Variants in RASGEF1A observed in about 807,000 individuals in gnomAD.
The protein encoded by RASGEF1A is ras-GEF domain-containing family member 1A.
Under a neutral mutation model 56.4 loss-of-function variants are expected in RASGEF1A, and 18 were observed. The ratio of observed to expected loss-of-function variants is 0.32; its 90% CI spans 0.22 to 0.47. The LOEUF is 0.47. Among genes scored for constraint, RASGEF1A ranks in the 20% least tolerant of loss-of-function variants. The pLI is 1.00. For missense variants in RASGEF1A, 422 were observed against 627.1 expected (o/e 0.67, Z 3.49); for synonymous variants, 245 against 242.6 (o/e 1.01, Z -0.09).
At chr10:43,199,850 A>G in intron 6 of RASGEF1A, 82 bp from the exon 7 acceptor site, 1 of 1,156,006 alleles carries the variant, frequency 8.7e-7, no homozygotes, top group Admixed American at 1.9e-5. Context: ...CCTGGTCCCC[A>G]GCTATGGCTC....
chr10:43,254,711 T>C (rs1490156711), intron 1 of RASGEF1A, among the ~76,000 whole-genome samples: 1 of 152,046 alleles, frequency 6.6e-6, no homozygotes, highest in Non-Finnish European at 1.5e-5. Context: ...CAGGCAAGGA[T>C]GGAAACCGCT....
rs183221018 is a variant in RASGEF1A, at chr10:43,232,687, G to A, written c.-6-26565C>T. 1.5e-3 allele frequency among the ~76,000 whole-genome samples: 225 copies of A among 152,086 alleles called. 1 individual carries two copies. Among genetic ancestry groups the A allele is most frequent in the African/African-American group, 5.3e-3 (220 of 41,506 alleles). On this transcript the variant is annotated intron_variant, in intron 1 of 12. Transcript: ENST00000395810. ...TTTTTAGTAGAGACAGGGTTTCACC[G>A]TGTTGGCCAGGCTGATCTCAAACTT...
chr10:43,229,495 G>A, intron 1 of RASGEF1A: 1 of 593,846 alleles, frequency 1.7e-6, no homozygotes, highest in Non-Finnish European at 2.7e-6. Context: ...CAGCGGGGAC[G>A]CACAGAGGGC....
intron 1 of RASGEF1A, among the ~76,000 whole-genome samples, chr10:43,235,344 T>A (rs1306516680): frequency 6.6e-6 from 1 of 152,148 alleles, no homozygotes; most frequent in African/African-American, 2.4e-5. Flanking sequence ...GATACCATGG[T>A]GTATTTAGCC....
chr10:43,231,043 A>G (rs1840359479), intron 1 of RASGEF1A, among the ~76,000 whole-genome samples: 1 of 152,204 alleles, frequency 6.6e-6, no homozygotes, highest in Non-Finnish European at 1.5e-5. Flanking sequence ...TGCACTATAC[A>G]TTACTGCGTG....
intron 1 of RASGEF1A, among the ~76,000 whole-genome samples, chr10:43,246,471 T>G (rs1478698941): frequency 1.3e-5 from 2 of 152,146 alleles, no homozygotes; most frequent in African/African-American, 2.4e-5. Context: ...AAAACAGTCT[T>G]GAAAAAGAAG....
At chr10:43,262,111 G>A (rs1382016958) in intron 1 of RASGEF1A, among the ~76,000 whole-genome samples, 1 of 152,156 alleles carries the variant, frequency 6.6e-6, no homozygotes, top group African/African-American at 2.4e-5. Flanking sequence ...CAGAGACCTG[G>A]AGAGCCCCAT....
intron 1 of RASGEF1A, among the ~76,000 whole-genome samples, chr10:43,234,247 A>C (rs936174803): frequency 4.6e-5 from 7 of 152,236 alleles, no homozygotes; most frequent in African/African-American, 1.4e-4. Context: ...GGGCCAGGAC[A>C]GGTAGAAGCT....
Position 43,203,674 on chromosome 10 carries a change from T to TTTTAATGATA in RASGEF1A, c.199-255_199-254insTATCATTAAA. ...CTCCCAGGCCTCCTAGCAGTCTTCCTCCGCTGGGATTCTCCCCCTCTCTGC... is the reference window on the plus strand; with the variant it reads ...CTCCCAGGCCTCCTAGCAGTCTTCCTTTTAATGATACCGCTGGGATTCTCCCCCTCTCTGC... On this transcript the variant is annotated intron_variant, in intron 2 of 12. Transcript: ENST00000395810. 8.4e-6 allele frequency: 10 copies of TTTTAATGATA among 1,186,630 alleles called. No individual in the cohort carries two copies. The Admixed American group carries it at 1.3e-4, about 15-fold the overall frequency. 73.5% of individuals were successfully genotyped at this position (1,186,630 alleles called of 1,614,324 possible). A position where few individuals can be genotyped will look rare whatever the true frequency, so the allele number is the denominator to read the frequency against.
chr10:43,254,508 C>A (rs533052266), intron 1 of RASGEF1A, among the ~76,000 whole-genome samples: 2 of 152,240 alleles, frequency 1.3e-5, no homozygotes, highest in South Asian at 2.1e-4. Flanking sequence ...TCGGGCCTCA[C>A]GGCTGCACCG....
intron 2 of RASGEF1A, among the ~76,000 whole-genome samples, chr10:43,205,416 GC>G (rs1374835561): frequency 6.6e-6 from 1 of 152,130 alleles, no homozygotes; most frequent in Admixed American, 6.5e-5. Flanking sequence ...CCCCGAGTCA[GC>G]CTGAACAGTG....
At chr10:43,204,555 A>G (rs1839965466) in intron 2 of RASGEF1A, among the ~76,000 whole-genome samples, 2 of 152,210 alleles carry the variant, frequency 1.3e-5, no homozygotes, top group Non-Finnish European at 2.9e-5. Context: ...GGCCAAGGGC[A>G]GGGCACCCAA....
chr10:43,211,808 T>TC (rs1840072812), intron 1 of RASGEF1A, among the ~76,000 whole-genome samples: 1 of 152,126 alleles, frequency 6.6e-6, no homozygotes, highest in African/African-American at 2.4e-5. Context: ...ACAGGCTCTG[T>TC]CCCCACACCC....
intron 3 of RASGEF1A, among the ~76,000 whole-genome samples, chr10:43,202,329 GC>G (rs987479553): frequency 2.6e-5 from 4 of 152,206 alleles, no homozygotes; most frequent in Non-Finnish European, 5.9e-5. Flanking sequence ...GGTTGAAAGG[GC>G]GACAGCGCTG....
Position 43,196,998 on chromosome 10 carries a change from C to T in RASGEF1A, c.1326G>A (p.Thr442=), listed in dbSNP as rs759665767. 7 of 1,613,816 alleles carry T rather than the reference C, an allele frequency of 4.3e-6. No homozygotes were observed. Among genetic ancestry groups the T allele is most frequent in the South Asian group, 1.1e-5 (1 of 91,068 alleles). Residue 442 remains threonine, a synonymous_variant, in exon 11 of 13, where the codon ACG becomes ACA. Coordinates refer to ENST00000395810, the MANE Select transcript of RASGEF1A (RefSeq NM_145313.4). The surrounding 1 kb of genome is among the most constrained non-coding windows in gnomAD (Gnocchi z 4.6). ...CACCTTCCTCGCTGTAGATGGGCGC[C>T]GTGAGCAGGTAACTCTGAATCTTCT... ...KDKKIQSYLL[T]APIYSEEALF...
At chr10:43,201,393 T>C (rs973933923) in intron 4 of RASGEF1A, among the ~76,000 whole-genome samples, 3 of 152,160 alleles carry the variant, frequency 2.0e-5, no homozygotes, top group African/African-American at 4.8e-5. Context: ...TCTCCAGTTC[T>C]CTCTCCACCA....
At chr10:43,198,846 C>A in intron 9 of RASGEF1A, 87 bp downstream of exon 9, 1 of 1,258,556 alleles carries the variant, frequency 7.9e-7, no homozygotes, top group South Asian at 1.2e-5. Flanking sequence ...GAGGGCAGCC[C>A]CCCACCCCCA....
chr10:43,261,582 A>T (rs1836529609), intron 1 of RASGEF1A, among the ~76,000 whole-genome samples: 1 of 152,214 alleles, frequency 6.6e-6, no homozygotes, highest in African/African-American at 2.4e-5. Flanking sequence ...TCATGAAAGC[A>T]TCAGGGCACC....
chr10:43,237,311 C>T (rs1164767654), intron 1 of RASGEF1A, among the ~76,000 whole-genome samples: 3 of 152,094 alleles, frequency 2.0e-5, no homozygotes, highest in African/African-American at 7.2e-5. Context: ...CACTCCTCCC[C>T]GACCCCGGAG....
Sources: gnomAD v4.1 joint callset for allele counts (sites outside exome capture counted in the v4.1 genomes callset) on GRCh38, gnomAD v4.1.1 for gene constraint, Gnocchi (gnomAD v3.1) non-coding constraint, MANE v1.5 for transcripts, NCBI Gene and HGNC (gene_info 2026-07-23, HGNC 2026-07-21) for gene names.